DIPK1A: variants seen among roughly 807,000 people sequenced by gnomAD.
DIPK1A encodes family with sequence similarity 69 member A.
DIPK1A carries 27 observed loss-of-function variants against 40.8 expected under a neutral mutation model. The ratio of observed to expected loss-of-function variants is 0.66; its 90% CI spans 0.49 to 0.91. DIPK1A has a LOEUF of 0.91. DIPK1A is among the 40% of genes least tolerant of loss of function. The pLI, the probability that DIPK1A is intolerant of heterozygous loss-of-function variation, is 0.00. For missense variants in DIPK1A, 412 were observed against 505.7 expected (o/e 0.81, Z 1.78); for synonymous variants, 166 against 171.3 (o/e 0.97, Z 0.24).
At chr1:92,866,957 ATG>A (rs146249082) in intron 2 of DIPK1A, among the ~76,000 whole-genome samples, 4 of 152,038 alleles carry the variant, frequency 2.6e-5, no homozygotes, top group South Asian at 2.1e-4. Context: ...TGATTAAATA[ATG>A]TGTGTGTGTG....
intron 2 of DIPK1A, among the ~76,000 whole-genome samples, chr1:92,856,103 A>C (rs1202778197): frequency 6.6e-6 from 1 of 152,098 alleles, no homozygotes; most frequent in Non-Finnish European, 1.5e-5. Context: ...TAAAAATAAA[A>C]AGGTAGCTCT....
intron 1 of DIPK1A, among the ~76,000 whole-genome samples, chr1:92,890,519 T>C (rs1390562576): frequency 6.6e-6 from 1 of 152,220 alleles, no homozygotes; most frequent in Non-Finnish European, 1.5e-5. Context: ...AGAATTTTCA[T>C]CATGAAAAGG....
rs562857426 is a variant in DIPK1A at position 92,866,467 on chromosome 1, T to C, written c.189+9829A>G. Among the ~76,000 whole-genome samples the C allele has an allele frequency of 2.0e-5, 3 of 152,330 alleles. No individual in the cohort carries two copies. The South Asian group carries it at 6.2e-4, about 32-fold the overall frequency. On this transcript the variant is annotated intron_variant, in intron 2 of 4. Transcript: ENST00000370310. Reference sequence around the variant, plus strand: ...TTCCCCACTATTCTATCTAAAATAATCTCCCTATTCATAGATCCTTTCTTT... The same window carrying C: ...TTCCCCACTATTCTATCTAAAATAACCTCCCTATTCATAGATCCTTTCTTT...
In DIPK1A at chr1:92,961,394, C is replaced by T. The variant is rs1345928336; in HGVS notation, c.36G>A (p.Arg12=). 6.5e-7 allele frequency: 1 copy of T among 1,531,052 alleles called. No homozygotes were observed. The allele number at this position is 1,531,052 out of a possible 1,614,324, so 94.8% of individuals were successfully genotyped here. ...ARSLCPGAWL[R]KPYYLQARFS... is the part of the protein sequence containing the mutation. ...GGCCTACCTGGAGGTAATAGGGTTT[C>T]CTTAGCCAGGCCCCCGGACAGAGAC... The change falls in exon 1 of 5, where the codon AGG becomes AGA. Residue 12 remains arginine (R), a synonymous_variant. Transcript: ENST00000370310.
rs780962420 is a variant in DIPK1A at position 92,833,538 on chromosome 1, C to T, written c.475-504G>A. On this transcript the variant is annotated intron_variant, in intron 4 of 4. Coordinates refer to the DIPK1A transcript ENST00000615519. ...GTATCCTTTCTACAATTATTTTTTT[C>T]TTTCAGAGGGTAAAACTGATTATTA... 12 of 1,613,138 alleles carry T rather than the reference C, an allele frequency of 7.4e-6. No homozygotes were observed. Among genetic ancestry groups the T allele is most frequent in the East Asian group, 2.2e-5 (1 of 44,860 alleles).
intron 2 of DIPK1A, among the ~76,000 whole-genome samples, chr1:92,851,573 TA>T (rs57720787): frequency 0.59 from 77,609 of 131,142 alleles, 23,658 homozygotes; most frequent in East Asian, 0.93. Flanking sequence ...CTTCTGGTTT[TA>T]AAATAAATAA....
intron 1 of DIPK1A, among the ~76,000 whole-genome samples, chr1:92,934,767 A>G (rs1650885262): frequency 2.0e-5 from 3 of 152,210 alleles, no homozygotes. Context: ...GCTCTGCACC[A>G]CAAAATTAAA....
At chr1:92,892,758 G>A (rs1424419766) in intron 1 of DIPK1A, among the ~76,000 whole-genome samples, 1 of 151,986 alleles carries the variant, frequency 6.6e-6, no homozygotes, top group African/African-American at 2.4e-5. Context: ...CTTAAAAAAA[G>A]ATTAGATGAA....
At chr1:92,834,443 C>T (rs1272474821) in intron 4 of DIPK1A, among the ~76,000 whole-genome samples, 3 of 152,152 alleles carry the variant, frequency 2.0e-5, no homozygotes, top group Admixed American at 6.5e-5. Context: ...TGATATTTTG[C>T]AGCAGGTAGG....
In DIPK1A at chr1:92,938,203, G is replaced by A. The variant is rs1400889605; in HGVS notation, c.54+23173C>T. Among the ~76,000 whole-genome samples, 8 of 152,060 alleles carry A rather than the reference G, an allele frequency of 5.3e-5. No homozygotes were observed. The East Asian group carries it at 1.5e-3, about 29-fold the overall frequency. On this transcript the variant is annotated intron_variant, in intron 1 of 4. Transcript: ENST00000370310. ...AGAAGAATTAGCCAGGCATGGTGGT[G>A]CACACCTGTAGTCCCAGCTACTCAG... is the stretch of plus-strand genomic sequence containing the variant.
intron 1 of DIPK1A, among the ~76,000 whole-genome samples, chr1:92,929,308 T>A (rs972679169): frequency 1.3e-5 from 2 of 152,248 alleles, no homozygotes; most frequent in Admixed American, 1.3e-4. Context: ...TGAGACTCAA[T>A]TTCCAAATTC....
intron 1 of DIPK1A, among the ~76,000 whole-genome samples, chr1:92,944,378 C>A (rs981552849): frequency 3.3e-5 from 5 of 152,110 alleles, no homozygotes; most frequent in African/African-American, 1.2e-4. Context: ...AGTACCCATA[C>A]AACTGATAAA....
intron 1 of DIPK1A, among the ~76,000 whole-genome samples, chr1:92,928,066 C>T (rs1414746754): frequency 1.3e-5 from 2 of 152,170 alleles, no homozygotes; most frequent in African/African-American, 4.8e-5. Flanking sequence ...ATACTGTACA[C>T]TTCCACCAGC....
At chr1:92,948,739 G>A (rs7532406) in intron 1 of DIPK1A, among the ~76,000 whole-genome samples, 2 of 134,040 alleles carry the variant, frequency 1.5e-5, no homozygotes, top group East Asian at 4.0e-4. Context: ...TAATATATAT[G>A]TATATATACA....
At chr1:92,939,482 C>T (rs1054294386) in intron 1 of DIPK1A, among the ~76,000 whole-genome samples, 6 of 152,090 alleles carry the variant, frequency 3.9e-5, no homozygotes, top group Non-Finnish European at 8.8e-5. Flanking sequence ...CCAAAACATT[C>T]CTAAATCATG....
intron 1 of DIPK1A, among the ~76,000 whole-genome samples, chr1:92,925,343 G>A (rs1451679233): frequency 6.6e-6 from 1 of 152,130 alleles, no homozygotes; most frequent in Non-Finnish European, 1.5e-5. Flanking sequence ...TTCTGAAGCT[G>A]TTTGTTAGAT....
chr1:92,960,463 T>C (rs1404137634), intron 1 of DIPK1A, among the ~76,000 whole-genome samples: 3 of 152,146 alleles, frequency 2.0e-5, no homozygotes, highest in South Asian at 4.1e-4. Context: ...ACGCAAGGCA[T>C]TGATTTGTAG....
chr1:92,894,315 A>C (rs1382092478), intron 1 of DIPK1A, among the ~76,000 whole-genome samples: 1 of 152,144 alleles, frequency 6.6e-6, no homozygotes, highest in African/African-American at 2.4e-5. Flanking sequence ...CTCAGACCAC[A>C]GTGCAATCAA....
intron 1 of DIPK1A, among the ~76,000 whole-genome samples, chr1:92,912,003 CAAAAAAAAAAAAAA>C (rs5776162): frequency 7.6e-4 from 33 of 43,686 alleles, no homozygotes; most frequent in Non-Finnish European, 2.5e-4. Context: ...GACTCCATCT[CAAAAAAAAAAAAAA>C]AAAAAAAAAA....
Sources: gnomAD v4.1 joint callset for allele counts (sites outside exome capture counted in the v4.1 genomes callset) on GRCh38, gnomAD v4.1.1 for gene constraint, MANE v1.5 for transcripts, NCBI Gene and HGNC (gene_info 2026-07-23, HGNC 2026-07-21) for gene names.